TARM1: variants seen among roughly 807,000 people sequenced by gnomAD.
The protein encoded by TARM1 is T-cell-interacting, activating receptor on myeloid cells protein 1.
In TARM1, 24 loss-of-function variants were observed where a neutral mutation model predicts 30.4. That is an observed-to-expected ratio of 0.79 (90% CI 0.57 to 1.11). The LOEUF (loss-of-function observed/expected upper bound fraction) is 1.11, where lower values mean the gene tolerates loss of function less well. Among genes scored for constraint, TARM1 ranks in the 50% least tolerant of loss-of-function variants. The pLI, the probability that TARM1 is intolerant of heterozygous loss-of-function variation, is 0.00. For missense variants in TARM1, 323 were observed against 332.8 expected, an observed-to-expected ratio of 0.97 and a Z score of 0.23; for synonymous variants, 129 against 138.9, an observed-to-expected ratio of 0.93 and a Z score of 0.50.
chr19:54,075,662 A>G (rs1434601946), intron 2 of TARM1, among the ~76,000 whole-genome samples: 2 of 151,620 alleles, frequency 1.3e-5, no homozygotes, highest in Non-Finnish European at 2.9e-5. Context: ...GCGTGGTGGC[A>G]AGCACCCGTA....
chr19:54,075,891 C>T lies in TARM1; in HGVS notation c.62G>A (p.Arg21Lys). 1 of 1,551,364 alleles carries T rather than the reference C, an allele frequency of 6.4e-7. No individual in the cohort carries two copies. Among genetic ancestry groups the T allele is most frequent in the Non-Finnish European group, 8.7e-7 (1 of 1,146,968 alleles). The change falls in exon 2 of 5, where the codon AGG (arginine) becomes AAG (lysine). Residue 21 changes from arginine to lysine, a missense_variant. Arg to Lys is a conservative substitution (Grantham distance 26, BLOSUM62 2). Transcript: ENST00000432826. ...FRLCVGQGDT[R>K]GDGSLPKPSL... ...GTTGAAGAAACACTCACCATCTCCC[C>T]TTGTGTCTCCTTGGCCCACGCACAG...
At position 54,069,907 on chromosome 19, in the gene TARM1, C is replaced by A. The variant is rs2071765139; in HGVS notation, c.*96G>T. On this transcript the variant is annotated 3_prime_UTR_variant, in exon 5 of 5. Transcript: ENST00000432826. The stretch of plus-strand genomic sequence containing the variant: ...GGTCTTTGTGACCTGTATGTTGTGA[C>A]CTGTCTCATCCTGTGACTTAGAAAG... 1.1e-6 allele frequency: 1 copy of A among 936,558 alleles called. No homozygotes were observed. Among genetic ancestry groups the A allele is most frequent in the Non-Finnish European group, 1.6e-6 (1 of 628,652 alleles). 58.0% of individuals were successfully genotyped at this position (936,558 alleles called of 1,614,324 possible). A position where few individuals can be genotyped will look rare whatever the true frequency, so the allele number is the denominator to read the frequency against.
At chr19:54,076,181 T>G (rs1196708879) in intron 1 of TARM1, 2 of 1,502,790 alleles carry the variant, frequency 1.3e-6, no homozygotes, top group Non-Finnish European at 1.8e-6. Context: ...AATCCTTCCA[T>G]TCTCATCTTC....
At chr19:54,074,802 T>C (rs2071903097) in intron 3 of TARM1, 22 bp downstream of exon 3, 1 of 1,546,638 alleles carries the variant, frequency 6.5e-7, no homozygotes, top group Non-Finnish European at 8.7e-7. Flanking sequence ...CCGTATGTCA[T>C]TGGCAGGCAC....
chr19:54,073,429 AAAG>A (rs2071862060), intron 4 of TARM1, among the ~76,000 whole-genome samples: 1 of 151,116 alleles, frequency 6.6e-6, no homozygotes, highest in African/African-American at 2.4e-5. Context: ...AAAAAAAAAA[AAAG>A]GCAAAGGAGT....
At chr19:54,073,279 C>A (rs1237334007) in intron 4 of TARM1, among the ~76,000 whole-genome samples, 1 of 150,800 alleles carries the variant, frequency 6.6e-6, no homozygotes, top group African/African-American at 2.4e-5. Flanking sequence ...ATGGGTGGTG[C>A]AGGCCTGTAA....
intron 4 of TARM1, among the ~76,000 whole-genome samples, chr19:54,070,373 G>T (rs577218726): frequency 4.0e-5 from 6 of 151,350 alleles, no homozygotes; most frequent in African/African-American, 1.5e-4. Flanking sequence ...AAGCCTCCCT[G>T]CCTCAGCCTC....
At chr19:54,072,082 G>C (rs587702595) in intron 4 of TARM1, among the ~76,000 whole-genome samples, 1 of 151,836 alleles carries the variant, frequency 6.6e-6, no homozygotes, top group Non-Finnish European at 1.5e-5. Flanking sequence ...CCAGCTACTC[G>C]GGAGGCTGAG....
intron 4 of TARM1, among the ~76,000 whole-genome samples, chr19:54,070,767 C>A (rs1390274246): frequency 1.3e-5 from 2 of 151,592 alleles, no homozygotes; most frequent in African/African-American, 4.9e-5. Context: ...CATGTGCCAC[C>A]ACACCCGGCT....
At chr19:54,075,685 T>C (rs113936834) in intron 2 of TARM1, among the ~76,000 whole-genome samples, 198 bp downstream of exon 2, 2,755 of 151,076 alleles carry the variant, frequency 0.018, 86 homozygotes, top group African/African-American at 0.062. Flanking sequence ...CCCAGCTACT[T>C]GGGAGGCTGA....
At chr19:54,079,992 G>A (rs587770077) in intron 1 of TARM1, among the ~76,000 whole-genome samples, 1 of 100,396 alleles carries the variant, frequency 1.0e-5, no homozygotes, top group South Asian at 3.3e-4. Context: ...TACAGAGTGA[G>A]ACTTTGTCTC....
At chr19:54,081,220 T>A in intron 1 of TARM1, 87 bp downstream of exon 1, 1 of 1,342,372 alleles carries the variant, frequency 7.4e-7, no homozygotes, top group Non-Finnish European at 1.0e-6. Context: ...AAGCCAAAGT[T>A]GATGTTATTA....
At chr19:54,076,119 C>T in intron 1 of TARM1, 1 of 1,475,430 alleles carries the variant, frequency 6.8e-7, no homozygotes, top group Non-Finnish European at 8.9e-7. Flanking sequence ...AGAGATTCTC[C>T]TTGACCATCC....
At chr19:54,071,098 C>T (rs1327986089) in intron 4 of TARM1, among the ~76,000 whole-genome samples, 1 of 151,790 alleles carries the variant, frequency 6.6e-6, no homozygotes, top group Middle Eastern at 3.5e-3. Flanking sequence ...GCTAGGATTA[C>T]AGGCACCTAC....
intron 1 of TARM1, among the ~76,000 whole-genome samples, chr19:54,080,762 C>T (rs1353232346): frequency 1.3e-5 from 2 of 151,898 alleles, no homozygotes; most frequent in African/African-American, 2.4e-5. Context: ...CACCTGAGGT[C>T]GGGAGTTCGA....
intron 4 of TARM1, among the ~76,000 whole-genome samples, chr19:54,070,859 G>A (rs532934416): frequency 1.3e-5 from 2 of 152,080 alleles, no homozygotes; most frequent in African/African-American, 2.4e-5. Context: ...TGATCCACCC[G>A]CCTTGGCCTC....
rs1336388002 is a variant in TARM1 at position 54,081,354 on chromosome 19, C to T, written c.-14G>A. ...CTTAGGGATCATGATGGCTCCTTAGCCCTCCCAGAGTCCGTCTTGGGTTCT... is the reference window on the plus strand; with the variant it reads ...CTTAGGGATCATGATGGCTCCTTAGTCCTCCCAGAGTCCGTCTTGGGTTCT... On this transcript the variant is annotated 5_prime_UTR_variant, in exon 1 of 5. Coordinates refer to ENST00000432826, the MANE Select transcript of TARM1 (RefSeq NM_001135686.3). 1 of 1,532,640 alleles carries T rather than the reference C, an allele frequency of 6.5e-7. No homozygotes were observed. The highest frequency in any genetic ancestry group is 2.1e-5 in the Admixed American group (1 of 47,272). 94.9% of individuals were successfully genotyped at this position (1,532,640 alleles called of 1,614,324 possible).
At chr19:54,072,595 C>T (rs1314164920) in intron 4 of TARM1, among the ~76,000 whole-genome samples, 1 of 152,094 alleles carries the variant, frequency 6.6e-6, no homozygotes, top group African/African-American at 2.4e-5. Flanking sequence ...TCTCCAGCCT[C>T]AGCCTCCCAA....
At chr19:54,074,322 T>C (rs1175538215) in intron 3 of TARM1, 106 bp from the exon 4 acceptor site, 5 of 1,077,096 alleles carry the variant, frequency 4.6e-6, no homozygotes, top group Non-Finnish European at 5.3e-6. Context: ...AAATGAGAGA[T>C]TCCTGATCTC....
Sources: gnomAD v4.1 joint callset for allele counts (sites outside exome capture counted in the v4.1 genomes callset) on GRCh38, gnomAD v4.1.1 for gene constraint, MANE v1.5 for transcripts, NCBI Gene and HGNC (gene_info 2026-07-23, HGNC 2026-07-21) for gene names.